GRIP1: variants seen among roughly 807,000 people sequenced by gnomAD.
GRIP1 encodes glutamate receptor-interacting protein 1.
GRIP1 carries 45 observed loss-of-function variants against 129.9 expected under a neutral mutation model. The observed-to-expected ratio is 0.35, with a 90% CI of 0.27 to 0.44. The LOEUF (loss-of-function observed/expected upper bound fraction) is 0.44, where lower values mean the gene tolerates loss of function less well. GRIP1 is among the 20% of genes least tolerant of loss of function. The pLI, the probability that GRIP1 is intolerant of heterozygous loss-of-function variation, is 1.00. For missense variants in GRIP1, 1,196 were observed against 1,396.8 expected (o/e 0.86, Z 2.29); for synonymous variants, 530 against 520.8 (o/e 1.02, Z -0.24).
At chr12:66,487,180 TG>T (rs922425584) in intron 7 of GRIP1, among the ~76,000 whole-genome samples, 1 of 152,154 alleles carries the variant, frequency 6.6e-6, no homozygotes, top group African/African-American at 2.4e-5. Flanking sequence ...GCACAAGCTC[TG>T]GAAGCCTTTA....
chr12:66,819,543 C>A (rs568622064), intron 1 of GRIP1, among the ~76,000 whole-genome samples: 1 of 152,118 alleles, frequency 6.6e-6, no homozygotes. Flanking sequence ...GCAAAACATA[C>A]AGCAAAATTT....
chr12:66,850,559 T>G (rs13377745), intron 1 of GRIP1, among the ~76,000 whole-genome samples: 23,645 of 151,976 alleles, frequency 0.16, 2,007 homozygotes, highest in East Asian at 0.37. Context: ...GGGAAAGCCA[T>G]GTAATAGAAA....
intron 1 of GRIP1, among the ~76,000 whole-genome samples, chr12:66,917,727 A>G (rs1323600194): frequency 6.6e-6 from 1 of 152,178 alleles, no homozygotes; most frequent in Admixed American, 6.5e-5. Flanking sequence ...ACATTATTTT[A>G]ATTTCCTCTG....
At chr12:66,365,032 T>C (rs2137215184) in intron 23 of GRIP1, among the ~76,000 whole-genome samples, 1 of 152,316 alleles carries the variant, frequency 6.6e-6, no homozygotes, top group Admixed American at 6.5e-5. Context: ...AATATGCTAA[T>C]TACTCATGTA....
In GRIP1 at chr12:66,725,253, T is replaced by C. The variant is rs530461745; in HGVS notation, c.-420+78800A>G. Among the ~76,000 whole-genome samples the C allele has an allele frequency of 2.0e-5, 3 of 152,108 alleles. No individual in the cohort carries two copies. The South Asian group carries it at 6.2e-4, about 32-fold the overall frequency. On this transcript the variant is annotated intron_variant, in intron 1 of 4. Transcript: ENST00000538373. ...GGGAGGTCAAGGTTGCAGTGAGTCA[T>C]GATCACGCCACTGCACTCCAGTCTG...
intron 1 of GRIP1, among the ~76,000 whole-genome samples, chr12:66,731,223 G>T (rs2036426573): frequency 1.3e-5 from 2 of 152,216 alleles, no homozygotes; most frequent in Middle Eastern, 3.4e-3. Context: ...AAATAAAAAA[G>T]AAAAGAAGTC....
intron 1 of GRIP1, among the ~76,000 whole-genome samples, chr12:66,800,568 G>C (rs1285727540): frequency 6.6e-6 from 1 of 151,982 alleles, no homozygotes; most frequent in Admixed American, 6.6e-5. Flanking sequence ...TATCCGGTGT[G>C]GCTAAATAAA....
At chr12:67,015,161 T>C (rs1169961177) in intron 1 of GRIP1, among the ~76,000 whole-genome samples, 1 of 152,094 alleles carries the variant, frequency 6.6e-6, no homozygotes, top group Non-Finnish European at 1.5e-5. Context: ...CATCAGAAAT[T>C]CTAGGTAGAG....
intron 1 of GRIP1, among the ~76,000 whole-genome samples, chr12:66,837,232 T>A (rs1427502920): frequency 6.6e-6 from 1 of 152,178 alleles, no homozygotes; most frequent in African/African-American, 2.4e-5. Context: ...CAAACATAAA[T>A]AAGACACTGT....
intron 1 of GRIP1, among the ~76,000 whole-genome samples, chr12:66,919,342 T>C (rs919949293): frequency 2.0e-5 from 3 of 152,136 alleles, no homozygotes; most frequent in Non-Finnish European, 4.4e-5. Flanking sequence ...AAGATTATTA[T>C]ACTCCTTAGG....
chr12:67,023,415 T>C (rs1465976710), intron 1 of GRIP1, among the ~76,000 whole-genome samples: 1 of 152,244 alleles, frequency 6.6e-6, no homozygotes, highest in Non-Finnish European at 1.5e-5. Context: ...ATCTTTGCAC[T>C]TTTATCAAAA....
intron 1 of GRIP1, among the ~76,000 whole-genome samples, chr12:66,672,249 G>GT (rs1279275942): frequency 6.6e-6 from 1 of 152,054 alleles, no homozygotes; most frequent in Non-Finnish European, 1.5e-5. Flanking sequence ...TAGTACAAAT[G>GT]TAACTTATTG....
chr12:66,799,908 G>C (rs1365950775), intron 1 of GRIP1, among the ~76,000 whole-genome samples: 2 of 152,090 alleles, frequency 1.3e-5, no homozygotes, highest in African/African-American at 4.8e-5. Context: ...TTTCCTCTAA[G>C]AAGAACAATG....
At chr12:66,904,855 G>A (rs1356471621) in intron 1 of GRIP1, among the ~76,000 whole-genome samples, 1 of 150,924 alleles carries the variant, frequency 6.6e-6, no homozygotes, top group African/African-American at 2.4e-5. Context: ...TTGCGCCACT[G>A]CACTCCAGCC....
intron 1 of GRIP1, among the ~76,000 whole-genome samples, chr12:67,029,280 T>G (rs556954883): frequency 6.6e-6 from 1 of 152,082 alleles, no homozygotes; most frequent in Non-Finnish European, 1.5e-5. Context: ...ATGTTGTTGT[T>G]GTTATCGTTG....
At chr12:66,745,947 G>A (rs1336844484) in intron 1 of GRIP1, among the ~76,000 whole-genome samples, 1 of 152,176 alleles carries the variant, frequency 6.6e-6, no homozygotes, top group Non-Finnish European at 1.5e-5. Context: ...TTTGGCTGCT[G>A]TGGAGGATAC....
chr12:66,489,187 A>G lies in GRIP1; in HGVS notation c.725-23765T>C, dbSNP rs533911302. On this transcript the variant is annotated intron_variant, in intron 7 of 24. Transcript: ENST00000359742. The stretch of plus-strand genomic sequence containing the variant: ...CAACAAGAAAAGAAAATTTCAGGCC[A>G]ATATCCTTGATGAACATCAATGCAA... 1.3e-3 allele frequency among the ~76,000 whole-genome samples: 192 copies of G among 152,308 alleles called. 1 individual carries two copies. The highest frequency in any genetic ancestry group is 4.4e-3 in the African/African-American group (182 of 41,562).
intron 1 of GRIP1, among the ~76,000 whole-genome samples, chr12:66,671,905 C>A (rs1217821895): frequency 1.3e-5 from 2 of 151,944 alleles, no homozygotes; most frequent in East Asian, 1.9e-4. Context: ...AAAATAAATT[C>A]TTTAAAGACA....
At chr12:66,378,114 A>T (rs1248306005) in intron 20 of GRIP1, among the ~76,000 whole-genome samples, 4 of 152,112 alleles carry the variant, frequency 2.6e-5, no homozygotes, top group Admixed American at 6.6e-5. Context: ...TTAAAAAAAA[A>T]AAAAAGTAAC....
Sources: allele counts gnomAD v4.1 joint callset (sites outside exome capture counted in the v4.1 genomes callset), GRCh38; gene constraint gnomAD v4.1.1; transcripts MANE v1.5; gene names NCBI Gene and HGNC (gene_info 2026-07-23, HGNC 2026-07-21).